Variants in ZRANB3 observed in about 807,000 individuals in gnomAD.
The protein encoded by ZRANB3 is zinc finger RANBP2-type containing 3.
A neutral mutation model predicts 133.8 loss-of-function variants in ZRANB3; 125 were observed. The ratio of observed to expected loss-of-function variants is 0.93; its 90% CI spans 0.81 to 1.08. The LOEUF (loss-of-function observed/expected upper bound fraction) is 1.08. Ranked by LOEUF, ZRANB3 falls within the 50% of genes least tolerant of loss-of-function variation. The pLI, the probability that ZRANB3 is intolerant of heterozygous loss-of-function variation, is 0.00. For synonymous variants in ZRANB3, 387 were observed against 432.7 expected, an observed-to-expected ratio of 0.89 and a Z score of 1.31; for missense variants, 1,229 against 1,275.5, an observed-to-expected ratio of 0.96 and a Z score of 0.56.
In ZRANB3 at chr2:135,266,800, T is replaced by A. The variant is rs560789952; in HGVS notation, c.1387-1114A>T. ...AAAAAAGAGTCTAATAAGAAACATT[T>A]ACAATCTATTCTGTCTGAAGCCTGC... On this transcript the variant is annotated intron_variant, in intron 11 of 20. Coordinates refer to ENST00000264159, the MANE Select transcript of ZRANB3 (RefSeq NM_032143.4). Among the ~76,000 whole-genome samples the A allele has an allele frequency of 4.6e-5, 7 of 152,088 alleles. No individual in the cohort carries two copies. In the East Asian group the frequency reaches 1.2e-3, roughly 25 times the overall value.
chr2:135,515,560 G>A (rs1693663302), intron 1 of ZRANB3, among the ~76,000 whole-genome samples: 1 of 152,168 alleles, frequency 6.6e-6, no homozygotes, highest in Non-Finnish European at 1.5e-5. Flanking sequence ...TCATTCAGGA[G>A]CAGGTTGTTC....
Position 135,275,685 on chromosome 2 carries a change from T to G in ZRANB3, c.1037A>C (p.His346Pro). 8 of 1,608,616 alleles carry G rather than the reference T, an allele frequency of 5.0e-6. No homozygotes were observed. Among genetic ancestry groups the G allele is most frequent in the Non-Finnish European group, 6.8e-6 (8 of 1,177,030 alleles). ...GCAAGCTTGGAGCATGCTTAAATGG[T>G]GAGCAAAAACCAGAAATTTAAGCGA... Reference protein sequence around the residue: ...NDSLKFLVFAHHLSMLQACTE... With the variant: ...NDSLKFLVFAPHLSMLQACTE... Residue 346 changes from histidine to proline, a missense_variant, in exon 9 of 21, where the codon CAC becomes CCC. Physicochemically the swap from His to Pro is moderately conservative, Grantham distance 77. Coordinates refer to ENST00000264159, the MANE Select transcript of ZRANB3 (RefSeq NM_032143.4).
chr2:135,518,277 C>T (rs951282662), intron 1 of ZRANB3, among the ~76,000 whole-genome samples: 2 of 152,002 alleles, frequency 1.3e-5, no homozygotes, highest in African/African-American at 2.4e-5. Flanking sequence ...ATGATTGTCT[C>T]GCTGGTGTTC....
intron 2 of ZRANB3, among the ~76,000 whole-genome samples, chr2:135,409,445 A>AT (rs1688203910): frequency 1.3e-5 from 2 of 149,098 alleles, no homozygotes; most frequent in South Asian, 4.8e-4. Context: ...TCGCTTTATG[A>AT]TAAAAAAAAA....
chr2:135,278,360 T>C lies in ZRANB3; in HGVS notation c.967-2605A>G, dbSNP rs182194922. ...TATATCCAGCTAATTAAAAATCAGA[T>C]AGAATAGTAATATTTTCAAATATGC... On this transcript the variant is annotated intron_variant, in intron 8 of 20. Coordinates refer to ENST00000264159, the MANE Select transcript of ZRANB3 (RefSeq NM_032143.4). Among the ~76,000 whole-genome samples, 10 of 152,268 alleles carry C rather than the reference T, an allele frequency of 6.6e-5. No homozygotes were observed. The East Asian group carries it at 1.5e-3, about 24-fold the overall frequency.
chr2:135,394,023 A>G (rs62172199), intron 2 of ZRANB3, among the ~76,000 whole-genome samples: 199 of 150,038 alleles, frequency 1.3e-3, no homozygotes, highest in Admixed American at 2.6e-3. Flanking sequence ...ATGCCCAGCT[A>G]ATTTTTTTTT....
In ZRANB3 at chr2:135,272,414, C is replaced by CTTTTTTTTTTTGTTTTTTTTTTTTT. The variant is rs1680564050; in HGVS notation, c.1087-528_1087-527insAAAAAAAAAAAAACAAAAAAAAAAA. Among the ~76,000 whole-genome samples, 2 of 107,774 alleles carry CTTTTTTTTTTTGTTTTTTTTTTTTT rather than the reference C, an allele frequency of 1.9e-5. 1 individual carries two copies. Among genetic ancestry groups the CTTTTTTTTTTTGTTTTTTTTTTTTT allele is most frequent in the Non-Finnish European group, 3.5e-5 (2 of 57,410 alleles). The allele number at this position is 107,774 out of a possible 152,430, so 70.7% of individuals were successfully genotyped here. On this transcript the variant is annotated intron_variant, in intron 9 of 20. Transcript: ENST00000264159. ...CCAAATATTAACTGGGAAAATAGAGCTTTTTTTTTTTTTTTTTTGTGACGG... is the reference window on the plus strand; with the variant it reads ...CCAAATATTAACTGGGAAAATAGAGCTTTTTTTTTTTGTTTTTTTTTTTTTTTTTTTTTTTTTTTTTTTGTGACGG...
chr2:135,439,988 G>GA (rs1689710604), intron 2 of ZRANB3, among the ~76,000 whole-genome samples: 1 of 152,052 alleles, frequency 6.6e-6, no homozygotes, highest in African/African-American at 2.4e-5. Flanking sequence ...CCAGACTTTG[G>GA]ATATATAGCT....
chr2:135,379,472 C>T (rs1469160068), intron 3 of ZRANB3, among the ~76,000 whole-genome samples: 1 of 152,212 alleles, frequency 6.6e-6, no homozygotes, highest in Non-Finnish European at 1.5e-5. Flanking sequence ...AATTATTTCA[C>T]TTGAGGTCAA....
At position 135,297,892 on chromosome 2, in the gene ZRANB3, T is replaced by C. The variant is rs190899395; in HGVS notation, c.966+15597A>G. 8.9e-4 allele frequency among the ~76,000 whole-genome samples: 136 copies of C among 152,314 alleles called. 1 individual carries two copies. Among genetic ancestry groups the C allele is most frequent in the African/African-American group, 3.2e-3 (133 of 41,582 alleles). On this transcript the variant is annotated intron_variant, in intron 8 of 20. Coordinates refer to ENST00000264159, the MANE Select transcript of ZRANB3 (RefSeq NM_032143.4). Reference sequence around the variant, plus strand: ...TTATGATTGTCTTTTCTTTACGATATCTATTTCTCTGGAGACTTTTTTGTC... The same window carrying C: ...TTATGATTGTCTTTTCTTTACGATACCTATTTCTCTGGAGACTTTTTTGTC...
chr2:135,416,304 T>C (rs1225677495), intron 2 of ZRANB3, among the ~76,000 whole-genome samples: 1 of 152,130 alleles, frequency 6.6e-6, no homozygotes, highest in Non-Finnish European at 1.5e-5. Context: ...AGCATTCTTA[T>C]ACACCATCAA....
intron 2 of ZRANB3, among the ~76,000 whole-genome samples, chr2:135,422,286 C>T (rs991991826): frequency 6.6e-5 from 10 of 152,242 alleles, no homozygotes; most frequent in South Asian, 2.1e-4. Flanking sequence ...TCAAGTGAGG[C>T]TTTATCCCCT....
intron 5 of ZRANB3, among the ~76,000 whole-genome samples, chr2:135,348,256 C>T (rs1253609586): frequency 6.8e-6 from 1 of 146,322 alleles, no homozygotes; most frequent in Non-Finnish European, 1.5e-5. Context: ...GAGACTCTGT[C>T]TCAAAAAAAA....
rs185500032 is a variant in ZRANB3, at chr2:135,384,940, C to G, written c.180+5862G>C. On this transcript the variant is annotated intron_variant, in intron 3 of 20. Coordinates refer to ENST00000264159, the MANE Select transcript of ZRANB3 (RefSeq NM_032143.4). ...TCCCTTTGAAAGCTGGCACAAGACACGGATGCACTTTCTCACCACTCCTAT... is the reference window on the plus strand; with the variant it reads ...TCCCTTTGAAAGCTGGCACAAGACAGGGATGCACTTTCTCACCACTCCTAT... 1.8e-4 allele frequency among the ~76,000 whole-genome samples: 27 copies of G among 152,214 alleles called. No individual in the cohort carries two copies. The East Asian group carries it at 4.1e-3, about 23-fold the overall frequency.
At chr2:135,284,382 T>A (rs1187391513) in intron 8 of ZRANB3, among the ~76,000 whole-genome samples, 1 of 152,254 alleles carries the variant, frequency 6.6e-6, no homozygotes, top group Non-Finnish European at 1.5e-5. Flanking sequence ...TTTGAAATCA[T>A]AACCTATGAC....
rs923417313 is a variant in ZRANB3, at chr2:135,294,502, C to T, written c.967-18747G>A. Among the ~76,000 whole-genome samples the T allele has an allele frequency of 4.6e-5, 7 of 152,154 alleles. No individual in the cohort carries two copies. The East Asian group carries it at 1.4e-3, about 29-fold the overall frequency. On this transcript the variant is annotated intron_variant, in intron 8 of 20. Coordinates refer to ENST00000264159, the MANE Select transcript of ZRANB3 (RefSeq NM_032143.4). ...CTTCTCTCTTTTCTTCTTTATTAGT[C>T]TTGCTAGCAGTCTATCAATTTTTTT...
At chr2:135,446,391 A>AC (rs936720163) in intron 2 of ZRANB3, among the ~76,000 whole-genome samples, 4 of 152,138 alleles carry the variant, frequency 2.6e-5, no homozygotes, top group African/African-American at 9.7e-5. Flanking sequence ...AGTGTCATCA[A>AC]CTGGGTGTTA....
intron 8 of ZRANB3, among the ~76,000 whole-genome samples, chr2:135,290,438 T>G (rs1681629944): frequency 6.6e-6 from 1 of 152,210 alleles, no homozygotes; most frequent in Non-Finnish European, 1.5e-5. Context: ...TGGTGTCCAT[T>G]TACATGGACT....
chr2:135,287,185 C>T (rs1681418075), intron 8 of ZRANB3, among the ~76,000 whole-genome samples: 3 of 152,176 alleles, frequency 2.0e-5, no homozygotes, highest in Non-Finnish European at 4.4e-5. Flanking sequence ...TGTTCTTTCC[C>T]CACTTTATCT....
Sources: gnomAD v4.1 joint callset for allele counts (sites outside exome capture counted in the v4.1 genomes callset) on GRCh38, gnomAD v4.1.1 for gene constraint, MANE v1.5 for transcripts, NCBI Gene and HGNC (gene_info 2026-07-23, HGNC 2026-07-21) for gene names.